The following KAZN variants were observed in gnomAD, a reference collection of about 807,000 sequenced individuals.
KAZN encodes the protein kazrin.
In KAZN, 40 loss-of-function variants were observed where a neutral mutation model predicts 87.4. The observed-to-expected ratio is 0.46, with a 90% CI of 0.36 to 0.60. The LOEUF is 0.60. KAZN is among the 20% of genes least tolerant of loss of function. The pLI is 0.00. For missense variants in KAZN, 898 were observed against 1,073.9 expected, an observed-to-expected ratio of 0.84 and a Z score of 2.29; for synonymous variants, 466 against 458.3, an observed-to-expected ratio of 1.02 and a Z score of -0.22.
At chr1:13,950,701 G>A (rs974087585) in intron 1 of KAZN, among the ~76,000 whole-genome samples, 1 of 152,104 alleles carries the variant, frequency 6.6e-6, no homozygotes, top group African/African-American at 2.4e-5. Context: ...AAGGAGCTGC[G>A]GCCTGGAGAG....
chr1:14,902,429 C>T (rs1003762664), intron 1 of KAZN, among the ~76,000 whole-genome samples: 2 of 151,952 alleles, frequency 1.3e-5, no homozygotes, highest in Non-Finnish European at 1.5e-5. Context: ...GGGGTTTCAC[C>T]GTGTTAGCCA....
intron 1 of KAZN, among the ~76,000 whole-genome samples, chr1:14,710,583 C>G (rs1642431911): frequency 6.6e-6 from 1 of 152,200 alleles, no homozygotes; most frequent in Non-Finnish European, 1.5e-5. Flanking sequence ...GGCCTTTGCA[C>G]TAGCTGTTCC....
chr1:14,676,330 C>T (rs771566939), intron 1 of KAZN, among the ~76,000 whole-genome samples: 37 of 152,162 alleles, frequency 2.4e-4, no homozygotes, highest in South Asian at 4.1e-4. Flanking sequence ...CTTGTCTAAC[C>T]CAGAGACATT....
At chr1:15,023,787 C>T (rs1670915671) in intron 2 of KAZN, among the ~76,000 whole-genome samples, 1 of 149,444 alleles carries the variant, frequency 6.7e-6, no homozygotes, top group East Asian at 2.0e-4. Flanking sequence ...GGACACAGCC[C>T]GGGTGGGTGA....
At chr1:14,860,398 G>T (rs968173187) in intron 1 of KAZN, among the ~76,000 whole-genome samples, 6 of 152,074 alleles carry the variant, frequency 3.9e-5, no homozygotes, top group African/African-American at 1.2e-4. Context: ...CACCATGTCG[G>T]CCAGGCTGGT....
At chr1:13,935,900 G>GTA (rs1553175729) in intron 1 of KAZN, among the ~76,000 whole-genome samples, 9,881 of 141,360 alleles carry the variant, frequency 0.07, 810 homozygotes, top group East Asian at 0.25. Context: ...GTGTGTGTGT[G>GTA]TAGAATCAGA....
At chr1:15,109,365 G>T (rs11584281) in intron 13 of KAZN, among the ~76,000 whole-genome samples, 1 of 151,780 alleles carries the variant, frequency 6.6e-6, no homozygotes, top group Non-Finnish European at 1.5e-5. Flanking sequence ...CGAGACCCTC[G>T]CTCAGAGGAA....
At chr1:13,944,296 C>T (rs1641052170) in intron 1 of KAZN, among the ~76,000 whole-genome samples, 1 of 152,220 alleles carries the variant, frequency 6.6e-6, no homozygotes, top group Admixed American at 6.5e-5. Context: ...ACTGCGATTC[C>T]ATTTCTATGA....
intron 2 of KAZN, among the ~76,000 whole-genome samples, chr1:14,554,545 T>C (rs1440218264): frequency 6.6e-6 from 1 of 152,184 alleles, no homozygotes. Context: ...GCGTCCCCTT[T>C]GAAACTTTCA....
At chr1:14,094,909 C>T (rs750765518) in intron 1 of KAZN, among the ~76,000 whole-genome samples, 4 of 152,160 alleles carry the variant, frequency 2.6e-5, no homozygotes, top group Non-Finnish European at 4.4e-5. Flanking sequence ...AATGTTTCTG[C>T]AAGTACCAGA....
chr1:13,907,627 T>A (rs1393867064), intron 1 of KAZN, among the ~76,000 whole-genome samples: 1 of 152,228 alleles, frequency 6.6e-6, no homozygotes, highest in African/African-American at 2.4e-5. Context: ...ACCCAGTCCC[T>A]GGAGCCACTG....
intron 2 of KAZN, among the ~76,000 whole-genome samples, chr1:14,434,547 G>T (rs541574955): frequency 2.0e-5 from 3 of 152,334 alleles, no homozygotes; most frequent in Non-Finnish European, 2.9e-5. Context: ...GAGTCAATTA[G>T]ACGATGCAGC....
At chr1:14,544,770 A>C (rs144557645) in intron 2 of KAZN, among the ~76,000 whole-genome samples, 42 of 150,024 alleles carry the variant, frequency 2.8e-4, no homozygotes, top group African/African-American at 9.5e-4. Context: ...GGGTCTCACT[A>C]TGTTACCCAG....
At chr1:15,060,383 A>G in intron 6 of KAZN, 81 bp downstream of exon 6, 2 of 1,564,602 alleles carry the variant, frequency 1.3e-6, no homozygotes, top group South Asian at 1.1e-5. Context: ...GTGAAGCCAT[A>G]CTCGCTGTTT....
At chr1:13,984,628 G>C (rs1259802542) in intron 1 of KAZN, among the ~76,000 whole-genome samples, 1 of 152,140 alleles carries the variant, frequency 6.6e-6, no homozygotes, top group African/African-American at 2.4e-5. Context: ...CAACAGTAGG[G>C]AGTTTGTGAA....
chr1:14,754,019 C>A (rs1644485979), intron 1 of KAZN, among the ~76,000 whole-genome samples: 1 of 152,226 alleles, frequency 6.6e-6, no homozygotes, highest in Non-Finnish European at 1.5e-5. Flanking sequence ...GGACACTTGG[C>A]TAGGACTTGG....
At chr1:13,955,563 G>A (rs1274512412) in intron 1 of KAZN, among the ~76,000 whole-genome samples, 1 of 152,010 alleles carries the variant, frequency 6.6e-6, no homozygotes, top group Admixed American at 6.6e-5. Flanking sequence ...ATTTGGGGTG[G>A]TGTCTTTTGG....
intron 1 of KAZN, among the ~76,000 whole-genome samples, chr1:13,981,968 C>T (rs1329015396): frequency 3.9e-5 from 6 of 152,158 alleles, no homozygotes; most frequent in Admixed American, 6.5e-5. Context: ...GCCACTTGGC[C>T]GAAGTCACAC....
intron 1 of KAZN, among the ~76,000 whole-genome samples, chr1:14,014,447 C>T (rs948332106): frequency 6.6e-6 from 1 of 152,028 alleles, no homozygotes; most frequent in African/African-American, 2.4e-5. Context: ...ATACTTAGCT[C>T]TTGGTGTTCC....
Sources: allele counts gnomAD v4.1 joint callset (sites outside exome capture counted in the v4.1 genomes callset), GRCh38; gene constraint gnomAD v4.1.1; transcripts MANE v1.5; gene names NCBI Gene and HGNC (gene_info 2026-07-23, HGNC 2026-07-21).